Variants in DGKB observed in about 807,000 individuals in gnomAD.
DGKB encodes diacylglycerol kinase beta.
A neutral mutation model predicts 114.3 loss-of-function variants in DGKB; 67 were observed. The ratio of observed to expected loss-of-function variants is 0.59; its 90% CI spans 0.48 to 0.72. DGKB has a LOEUF of 0.72. DGKB is among the 30% of genes least tolerant of loss of function. The pLI, the probability that DGKB is intolerant of heterozygous loss-of-function variation, is 0.00. For synonymous variants in DGKB, 398 were observed against 323.1 expected (o/e 1.23, Z -2.49); for missense variants, 907 against 975.2 (o/e 0.93, Z 0.93).
chr7:14,843,522 G>C (rs1249052100), intron 1 of DGKB, among the ~76,000 whole-genome samples: 4 of 151,052 alleles, frequency 2.6e-5, no homozygotes, highest in Non-Finnish European at 4.4e-5. Context: ...TTTTAGTAGA[G>C]ACGGGGTTTC....
At chr7:14,459,831 T>G (rs1371681841) in intron 21 of DGKB, among the ~76,000 whole-genome samples, 2 of 152,038 alleles carry the variant, frequency 1.3e-5, no homozygotes, top group Non-Finnish European at 2.9e-5. Context: ...GAAAAAATGT[T>G]AAGGGCAGCC....
intron 23 of DGKB, among the ~76,000 whole-genome samples, chr7:14,281,215 T>G (rs2128454969): frequency 6.6e-6 from 1 of 151,756 alleles, no homozygotes; most frequent in African/African-American, 2.4e-5. Context: ...GCAATCCTAG[T>G]CTCTGATAAA....
At chr7:14,722,381 A>C (rs367785480) in intron 5 of DGKB, among the ~76,000 whole-genome samples, 1 of 152,132 alleles carries the variant, frequency 6.6e-6, no homozygotes, top group East Asian at 1.9e-4. Flanking sequence ...TTCTGTTATT[A>C]ATATGCATTT....
chr7:14,943,440 T>A (rs2128255866), intron 1 of DGKB, among the ~76,000 whole-genome samples: 1 of 152,098 alleles, frequency 6.6e-6, no homozygotes, highest in Non-Finnish European at 1.5e-5. Context: ...ACACATTTTG[T>A]GTTCATGGAC....
chr7:14,679,719 T>G (rs1457488100), intron 12 of DGKB, among the ~76,000 whole-genome samples: 1 of 152,006 alleles, frequency 6.6e-6, no homozygotes, highest in East Asian at 1.9e-4. Flanking sequence ...CAAAAGAAAG[T>G]ACATTCAGTT....
chr7:14,517,337 C>G (rs1788982485), intron 20 of DGKB, among the ~76,000 whole-genome samples: 2 of 151,812 alleles, frequency 1.3e-5, no homozygotes, highest in African/African-American at 4.8e-5. Flanking sequence ...AATGCAAAAC[C>G]TAAAACTATA....
At chr7:14,761,193 A>G (rs572710260) in intron 2 of DGKB, among the ~76,000 whole-genome samples, 1 of 152,266 alleles carries the variant, frequency 6.6e-6, no homozygotes, top group South Asian at 2.1e-4. Context: ...CTGTCTCAAT[A>G]ACATTTCTTG....
chr7:14,343,196 CACAA>C (rs1457690739), intron 22 of DGKB, among the ~76,000 whole-genome samples: 28 of 150,574 alleles, frequency 1.9e-4, no homozygotes, highest in African/African-American at 6.9e-4. Flanking sequence ...CACACACACA[CACAA>C]CAAGATATGC....
chr7:14,720,072 CA>C (rs1564007326), intron 5 of DGKB, among the ~76,000 whole-genome samples: 1 of 151,798 alleles, frequency 6.6e-6, no homozygotes, highest in Non-Finnish European at 1.5e-5. Context: ...AAATAATTTA[CA>C]TCTTAACACA....
intron 13 of DGKB, among the ~76,000 whole-genome samples, chr7:14,660,327 C>T (rs1487759725): frequency 6.6e-6 from 1 of 151,674 alleles, no homozygotes. Context: ...CCTCCTTGTA[C>T]CTCTGGTAGA....
At chr7:14,574,395 T>C in intron 19 of DGKB, 23 bp from the exon 20 acceptor site, 1 of 1,594,718 alleles carries the variant, frequency 6.3e-7, no homozygotes, top group Non-Finnish European at 8.5e-7. Context: ...AAAAATACCT[T>C]GAGAAAAGAA....
intron 13 of DGKB, among the ~76,000 whole-genome samples, chr7:14,657,788 A>T (rs377008060): frequency 1.3e-5 from 2 of 151,930 alleles, no homozygotes; most frequent in East Asian, 3.9e-4. Context: ...TTTCAGAATC[A>T]CAGAAGATTT....
chr7:14,735,402 T>A (rs957032), intron 5 of DGKB, among the ~76,000 whole-genome samples: 13 of 152,046 alleles, frequency 8.6e-5, no homozygotes, highest in African/African-American at 1.9e-4. Context: ...ATCACCTGTC[T>A]TCTCTTTTTG....
intron 21 of DGKB, among the ~76,000 whole-genome samples, chr7:14,468,201 G>T (rs1382474375): frequency 6.6e-6 from 1 of 151,974 alleles, no homozygotes; most frequent in Non-Finnish European, 1.5e-5. Context: ...AGATCTATCG[G>T]CTATCTATGA....
At chr7:14,364,772 A>G (rs1270512781) in intron 21 of DGKB, among the ~76,000 whole-genome samples, 2 of 151,998 alleles carry the variant, frequency 1.3e-5, no homozygotes, top group Non-Finnish European at 1.5e-5. Context: ...TTTATTTCCA[A>G]TAACCATCTG....
chr7:14,148,777 G>T lies in DGKB; in HGVS notation c.*354C>A. 1 of 307,636 alleles carries T rather than the reference G, an allele frequency of 3.3e-6. No individual in the cohort carries two copies. The highest frequency in any genetic ancestry group is 3.3e-5 in the South Asian group (1 of 30,530). 19.1% of individuals were successfully genotyped at this position (307,636 alleles called of 1,614,324 possible). On this transcript the variant is annotated 3_prime_UTR_variant, in exon 26 of 26. Transcript: ENST00000402815. ...TAATTGGAATCACACTGAGAATCAC[G>T]TTTCCCATGGTATTTCCTTTTTCAT...
At chr7:14,590,571 T>C (rs1227041704) in intron 17 of DGKB, among the ~76,000 whole-genome samples, 2 of 152,148 alleles carry the variant, frequency 1.3e-5, no homozygotes, top group African/African-American at 2.4e-5. Context: ...TGTAAATTGA[T>C]TGCTAATCGG....
intron 20 of DGKB, among the ~76,000 whole-genome samples, chr7:14,487,129 G>T (rs561311278): frequency 6.6e-6 from 1 of 152,282 alleles, no homozygotes; most frequent in East Asian, 1.9e-4. Flanking sequence ...ACTCCAGACT[G>T]CCGAGTGGTA....
intron 2 of DGKB, among the ~76,000 whole-genome samples, chr7:14,786,493 C>T (rs1268778362): frequency 1.3e-5 from 2 of 152,190 alleles, no homozygotes; most frequent in Non-Finnish European, 2.9e-5. Context: ...GAGGCATGGC[C>T]AGGGCTGTGT....
Sources: allele counts gnomAD v4.1 joint callset (sites outside exome capture counted in the v4.1 genomes callset), GRCh38; gene constraint gnomAD v4.1.1; transcripts MANE v1.5; gene names NCBI Gene and HGNC (gene_info 2026-07-23, HGNC 2026-07-21).